The following SLC24A3 variants were observed in gnomAD, a reference collection of about 807,000 sequenced individuals.
SLC24A3 encodes sodium/potassium/calcium exchanger 3.
SLC24A3 carries 28 observed loss-of-function variants against 75.8 expected under a neutral mutation model. The observed-to-expected ratio is 0.37, with a 90% CI of 0.27 to 0.51. The LOEUF is 0.51. Ranked by LOEUF, SLC24A3 falls within the 20% of genes least tolerant of loss-of-function variation. SLC24A3 has a pLI of 0.94. For synonymous variants in SLC24A3, 372 were observed against 334.1 expected, an observed-to-expected ratio of 1.11 and a Z score of -1.24; for missense variants, 663 against 847.8, an observed-to-expected ratio of 0.78 and a Z score of 2.71.
intron 2 of SLC24A3, among the ~76,000 whole-genome samples, chr20:19,491,558 C>T (rs530344367): frequency 9.9e-5 from 15 of 152,154 alleles, no homozygotes; most frequent in Non-Finnish European, 2.1e-4. Flanking sequence ...GGCTCTGTCA[C>T]CCCAGGCACT....
rs1035116778 is a variant in SLC24A3, at chr20:19,604,594, A to AGG, written c.612+19051_612+19052dup. On this transcript the variant is annotated intron_variant, in intron 6 of 16. Transcript: ENST00000328041. ...CAGTGATAAATCACAGAGAGTAGAA[A>AGG]GGAGTCAGAACCCCCAGTGTTAACC... Among the ~76,000 whole-genome samples the AGG allele has an allele frequency of 7.2e-5, 11 of 152,184 alleles. 1 individual carries two copies. The highest frequency in any genetic ancestry group is 1.6e-4 in the Non-Finnish European group (11 of 68,026).
chr20:19,454,709 A>G (rs1212847095), intron 2 of SLC24A3, among the ~76,000 whole-genome samples: 1 of 152,214 alleles, frequency 6.6e-6, no homozygotes, highest in Non-Finnish European at 1.5e-5. Flanking sequence ...ACAAAGTATA[A>G]TGAAGAACCG....
chr20:19,701,526 G>T (rs542635141), intron 15 of SLC24A3, among the ~76,000 whole-genome samples: 2 of 152,054 alleles, frequency 1.3e-5, no homozygotes, highest in Admixed American at 6.6e-5. Flanking sequence ...CAAAAGCTTC[G>T]CAGTTAACAC....
At chr20:19,639,941 C>G (rs1333564957) in intron 6 of SLC24A3, among the ~76,000 whole-genome samples, 3 of 152,244 alleles carry the variant, frequency 2.0e-5, no homozygotes, top group African/African-American at 7.2e-5. Context: ...CGGGGGCTGC[C>G]AAGACCACGC....
chr20:19,486,924 G>A (rs1166708759), intron 2 of SLC24A3, among the ~76,000 whole-genome samples: 1 of 152,178 alleles, frequency 6.6e-6, no homozygotes, highest in African/African-American at 2.4e-5. Context: ...CTTTGGTCAA[G>A]TTCTGTCTTT....
chr20:19,326,536 G>T (rs535201485), intron 2 of SLC24A3, among the ~76,000 whole-genome samples: 59 of 151,674 alleles, frequency 3.9e-4, no homozygotes, highest in African/African-American at 1.4e-3. Flanking sequence ...GGGTAAAAAG[G>T]AGAATTTCTA....
chr20:19,447,007 T>A (rs1459212438), intron 2 of SLC24A3, among the ~76,000 whole-genome samples: 1 of 152,184 alleles, frequency 6.6e-6, no homozygotes, highest in Non-Finnish European at 1.5e-5. Flanking sequence ...ACACATCCAC[T>A]TTATGGATCC....
intron 2 of SLC24A3, among the ~76,000 whole-genome samples, chr20:19,334,030 GA>G (rs1985068380): frequency 8.0e-6 from 1 of 125,064 alleles, no homozygotes; most frequent in South Asian, 2.5e-4. Flanking sequence ...TATATCAGAA[GA>G]AAAGCTGTTA....
chr20:19,699,829 T>C (rs2032851236), intron 15 of SLC24A3, among the ~76,000 whole-genome samples: 1 of 152,104 alleles, frequency 6.6e-6, no homozygotes, highest in South Asian at 2.1e-4. Context: ...GGCTGAGGCT[T>C]TTGGGGAGGG....
chr20:19,407,510 C>T (rs1484318966), intron 2 of SLC24A3, among the ~76,000 whole-genome samples: 1 of 152,156 alleles, frequency 6.6e-6, no homozygotes, highest in Non-Finnish European at 1.5e-5. Context: ...CAAAGTTTTC[C>T]TGCTTTAGAA....
intron 3 of SLC24A3, among the ~76,000 whole-genome samples, chr20:19,548,918 A>G (rs2030647819): frequency 6.6e-6 from 1 of 152,220 alleles, no homozygotes; most frequent in African/African-American, 2.4e-5. Context: ...TCTTCCTCAC[A>G]CAAATATTCC....
Position 19,657,980 on chromosome 20 carries a change from T to C in SLC24A3, c.687+3844T>C, listed in dbSNP as rs1373236603. On this transcript the variant is annotated intron_variant, in intron 7 of 16. Transcript: ENST00000328041. ...AACCTTCCCAAACAATGCATTCAAC[T>C]CTTCGGGTTTTTTCAAACCACTCTC... Among the ~76,000 whole-genome samples, 3 of 152,208 alleles carry C rather than the reference T, an allele frequency of 2.0e-5. No individual in the cohort carries two copies. In the East Asian group the frequency reaches 5.8e-4, roughly 29 times the overall value.
chr20:19,626,507 A>G (rs1287476899), intron 6 of SLC24A3, among the ~76,000 whole-genome samples: 3 of 152,214 alleles, frequency 2.0e-5, no homozygotes, highest in Non-Finnish European at 4.4e-5. Context: ...TAGAGTAACT[A>G]TGCAACTTAT....
At chr20:19,518,552 A>G (rs115889534) in intron 3 of SLC24A3, among the ~76,000 whole-genome samples, 1,615 of 152,362 alleles carry the variant, frequency 0.011, 41 homozygotes, top group African/African-American at 0.037. Context: ...GGGAAGCCTC[A>G]TGATCAGAGA....
chr20:19,359,652 C>A (rs1318686065), intron 2 of SLC24A3, among the ~76,000 whole-genome samples: 2 of 152,222 alleles, frequency 1.3e-5, no homozygotes, highest in Non-Finnish European at 2.9e-5. Flanking sequence ...GCCTCAGCCA[C>A]CCTTACAGAT....
At chr20:19,669,508 A>G (rs1007629407) in intron 8 of SLC24A3, among the ~76,000 whole-genome samples, 2 of 152,042 alleles carry the variant, frequency 1.3e-5, no homozygotes, top group Non-Finnish European at 2.9e-5. Context: ...TCTCAAAAAA[A>G]AAAAAAGAAA....
intron 3 of SLC24A3, among the ~76,000 whole-genome samples, chr20:19,561,313 C>T (rs2030871606): frequency 6.6e-6 from 1 of 152,164 alleles, no homozygotes; most frequent in African/African-American, 2.4e-5. Context: ...TAATTAACAT[C>T]GGATCCAGGG....
intron 3 of SLC24A3, among the ~76,000 whole-genome samples, chr20:19,559,538 T>C (rs547948129): frequency 6.6e-6 from 1 of 152,232 alleles, no homozygotes; most frequent in Non-Finnish European, 1.5e-5. Context: ...TTTCCTTTTG[T>C]GTGTTCTATG....
At chr20:19,469,715 T>G (rs560145089) in intron 2 of SLC24A3, among the ~76,000 whole-genome samples, 3 of 152,206 alleles carry the variant, frequency 2.0e-5, no homozygotes, top group Non-Finnish European at 2.9e-5. Flanking sequence ...AAATCCATTC[T>G]CGTGCTAGTC....
Sources: allele counts gnomAD v4.1 joint callset (sites outside exome capture counted in the v4.1 genomes callset), GRCh38; gene constraint gnomAD v4.1.1; transcripts MANE v1.5; gene names NCBI Gene and HGNC (gene_info 2026-07-23, HGNC 2026-07-21).